LOC128092252: variants seen among roughly 807,000 people sequenced by gnomAD.
At chr15:50,673,498 CT>C in the LOC128092252 span, among the ~76,000 whole-genome samples, 2 of 152,146 alleles carry the variant, frequency 1.3e-5, no homozygotes, top group African/African-American at 4.8e-5. Context: ...TCAGCTCCCA[CT>C]TATGAGTGGG....
At chr15:50,653,625 T>TA in the LOC128092252 span, among the ~76,000 whole-genome samples, 1 of 152,242 alleles carries the variant, frequency 6.6e-6, no homozygotes, top group South Asian at 2.1e-4. Context: ...TTCTCAATCA[T>TA]AGAGATGACA....
the LOC128092252 span, among the ~76,000 whole-genome samples, chr15:50,671,181 C>A: frequency 0.02 from 3,084 of 152,136 alleles, 122 homozygotes; most frequent in African/African-American, 0.071. Flanking sequence ...ATTTTGCATC[C>A]TTTGACCAAC....
chr15:50,659,910 C>T, the LOC128092252 span, among the ~76,000 whole-genome samples: 5 of 152,276 alleles, frequency 3.3e-5, no homozygotes, highest in African/African-American at 1.2e-4. Context: ...TCAGGTGATC[C>T]ACCTACAGCC....
chr15:50,671,609 G>C, the LOC128092252 span, among the ~76,000 whole-genome samples: 1 of 151,584 alleles, frequency 6.6e-6, no homozygotes, highest in Non-Finnish European at 1.5e-5. Flanking sequence ...AGGAGTTCAA[G>C]ACCAACCTGG....
chr15:50,682,235 T>G, the LOC128092252 span, among the ~76,000 whole-genome samples: 1 of 144,598 alleles, frequency 6.9e-6, no homozygotes, highest in Non-Finnish European at 1.5e-5. Context: ...AAGTCTTGAC[T>G]TATCAACTTC....
the LOC128092252 span, chr15:50,657,904 CAAAA>C: frequency 1.9e-6 from 2 of 1,078,488 alleles, no homozygotes; most frequent in Non-Finnish European, 2.7e-6. Flanking sequence ...AAATACAAAA[CAAAA>C]AAAATTATAT....
At chr15:50,681,803 T>A in the LOC128092252 span, among the ~76,000 whole-genome samples, 1 of 152,200 alleles carries the variant, frequency 6.6e-6, no homozygotes, top group South Asian at 2.1e-4. Flanking sequence ...AAACAGTGTT[T>A]CACAGACTTT....
chr15:50,672,815 C>A, the LOC128092252 span, among the ~76,000 whole-genome samples: 12 of 134,364 alleles, frequency 8.9e-5, no homozygotes, highest in South Asian at 1.6e-3. Context: ...GAGGCTGAGG[C>A]AGGAGAATCG....
the LOC128092252 span, among the ~76,000 whole-genome samples, chr15:50,666,997 A>G: frequency 6.6e-6 from 1 of 152,114 alleles, no homozygotes; most frequent in Non-Finnish European, 1.5e-5. Flanking sequence ...TGTCTTGCAC[A>G]AGATCCAGGA....
chr15:50,685,158 G>C, the LOC128092252 span, among the ~76,000 whole-genome samples: 5 of 152,330 alleles, frequency 3.3e-5, no homozygotes, highest in East Asian at 5.8e-4. Flanking sequence ...ATGTATCTTT[G>C]CAAGTTTGAA....
the LOC128092252 span, among the ~76,000 whole-genome samples, chr15:50,686,144 T>G: frequency 0.078 from 11,871 of 152,246 alleles, 573 homozygotes; most frequent in South Asian, 0.12. Flanking sequence ...TGCCAGCAAC[T>G]GGCGCCAGGA....
chr15:50,663,543 T>C, the LOC128092252 span, among the ~76,000 whole-genome samples: 1 of 152,180 alleles, frequency 6.6e-6, no homozygotes, highest in Non-Finnish European at 1.5e-5. Flanking sequence ...ACCTAGGTTA[T>C]TAAATCAACA....
the LOC128092252 span, among the ~76,000 whole-genome samples, chr15:50,681,026 G>A: frequency 1.3e-5 from 2 of 152,132 alleles, no homozygotes; most frequent in South Asian, 4.1e-4. Flanking sequence ...GCCAAGGCGG[G>A]CAGATCACGA....
At chr15:50,686,572 A>ACCT in the LOC128092252 span, 48 of 1,602,592 alleles carry the variant, frequency 3.0e-5, no homozygotes, top group Non-Finnish European at 3.8e-5. Flanking sequence ...CAGCAACTCC[A>ACCT]CCTCCTCCTC....
the LOC128092252 span, chr15:50,648,947 A>C: frequency 7.4e-7 from 1 of 1,352,188 alleles, no homozygotes; most frequent in Middle Eastern, 1.9e-4. Flanking sequence ...AAAAAATGGA[A>C]TTAAAAGTGA....
chr15:50,686,435 G>A, the LOC128092252 span: 3 of 1,597,954 alleles, frequency 1.9e-6, no homozygotes, highest in East Asian at 2.2e-5. Flanking sequence ...TTCGCCGCAT[G>A]GAACGCGGCT....
chr15:50,652,766 T>C, the LOC128092252 span, among the ~76,000 whole-genome samples: 1 of 151,976 alleles, frequency 6.6e-6, no homozygotes, highest in Non-Finnish European at 1.5e-5. Flanking sequence ...CTTAGGAGGC[T>C]GAGGTGGGAA....
At chr15:50,683,263 G>C in the LOC128092252 span, among the ~76,000 whole-genome samples, 1 of 151,626 alleles carries the variant, frequency 6.6e-6, no homozygotes, top group Admixed American at 6.6e-5. Flanking sequence ...TTACTTATAT[G>C]TTGAAAGATT....
At chr15:50,686,107 T>G in the LOC128092252 span, among the ~76,000 whole-genome samples, 2 of 152,348 alleles carry the variant, frequency 1.3e-5, no homozygotes, top group South Asian at 4.1e-4. Context: ...CATGTAAAAC[T>G]TGAGCAGAGC....
Sources: allele counts gnomAD v4.1 joint callset (sites outside exome capture counted in the v4.1 genomes callset), GRCh38; gene constraint gnomAD v4.1.1; transcripts MANE v1.5.